The following RIPOR3 variants were observed in gnomAD, a reference collection of about 807,000 sequenced individuals.
RIPOR3 encodes the protein family with sequence similarity 65 member C.
A neutral mutation model predicts 114.3 loss-of-function variants in RIPOR3; 95 were observed. The observed-to-expected ratio is 0.83, with a 90% CI of 0.70 to 0.99. The LOEUF (loss-of-function observed/expected upper bound fraction) is 0.99. Ranked by LOEUF, RIPOR3 falls within the 50% of genes least tolerant of loss-of-function variation. The pLI is 0.00. For missense variants in RIPOR3, 1,252 were observed against 1,266.9 expected (o/e 0.99, Z 0.18); for synonymous variants, 575 against 543.8 (o/e 1.06, Z -0.80).
In RIPOR3 at chr20:50,589,879, T is replaced by C. The variant is rs543815868; in HGVS notation, c.2578-110A>G. On this transcript the variant is annotated intron_variant, in intron 19 of 21. Transcript: ENST00000327979. ...CAGTAAGGCACGCTGTGCCCATCTTTCTCTAAACAACGTTCAGGACACGAT... is the reference window on the plus strand; with the variant it reads ...CAGTAAGGCACGCTGTGCCCATCTTCCTCTAAACAACGTTCAGGACACGAT... The C allele has an allele frequency of 1.0e-5, 9 of 886,222 alleles. No individual in the cohort carries two copies. The South Asian group carries it at 1.3e-4, about 13-fold the overall frequency. 54.9% of individuals were successfully genotyped at this position (886,222 alleles called of 1,614,324 possible).
rs538288587 is a variant in RIPOR3 at position 50,619,814 on chromosome 20, C to A, written c.269+172G>T. On this transcript the variant is annotated intron_variant, in intron 3 of 21. Transcript: ENST00000327979. ...TGCCAGGTTTCCAGTGCCCAAGGACCGGGCTGAGCACGCGGCTGCACCCTG... is the reference window on the plus strand; with the variant it reads ...TGCCAGGTTTCCAGTGCCCAAGGACAGGGCTGAGCACGCGGCTGCACCCTG... Among the ~76,000 whole-genome samples the A allele has an allele frequency of 9.0e-4, 137 of 152,300 alleles. 1 individual carries two copies. The South Asian group carries it at 0.011, about 12-fold the overall frequency.
chr20:50,642,011 C>G (rs915382307), intron 1 of RIPOR3, among the ~76,000 whole-genome samples: 34 of 152,178 alleles, frequency 2.2e-4, no homozygotes, highest in Non-Finnish European at 3.7e-4. Context: ...ACACCCACCC[C>G]CTTCTGCTTC....
intron 1 of RIPOR3, among the ~76,000 whole-genome samples, chr20:50,640,996 G>A (rs1464647839): frequency 2.7e-5 from 4 of 147,790 alleles, no homozygotes; most frequent in African/African-American, 1.0e-4. Flanking sequence ...CGCAACATCT[G>A]CCTCCTGGGT....
intron 4 of RIPOR3, among the ~76,000 whole-genome samples, chr20:50,614,363 C>T (rs942735240): frequency 1.2e-4 from 19 of 152,174 alleles, no homozygotes; most frequent in African/African-American, 4.6e-4. Context: ...TAGAAAAACT[C>T]ATCTCCCCTC....
At chr20:50,621,182 T>C (rs1448768176) in intron 2 of RIPOR3, 2 of 339,374 alleles carry the variant, frequency 5.9e-6, no homozygotes, top group Non-Finnish European at 1.1e-5. Flanking sequence ...CAGGAAGAAA[T>C]ACAGTCAAGT....
intron 11 of RIPOR3, among the ~76,000 whole-genome samples, chr20:50,605,759 A>G (rs1461788089): frequency 1.3e-5 from 2 of 151,512 alleles, no homozygotes; most frequent in Non-Finnish European, 2.9e-5. Flanking sequence ...GTCTGGGGCA[A>G]CAGAGCAAGA....
At chr20:50,597,857 G>T (rs1045899312) in intron 13 of RIPOR3, 147 bp from the exon 14 acceptor site, 1 of 1,263,224 alleles carries the variant, frequency 7.9e-7, no homozygotes, top group Non-Finnish European at 1.1e-6. Flanking sequence ...AAGCCCAGCC[G>T]CTGGCCCAAG....
At chr20:50,647,968 C>A (rs180881581) in intron 1 of RIPOR3, among the ~76,000 whole-genome samples, 64 of 152,096 alleles carry the variant, frequency 4.2e-4, no homozygotes, top group African/African-American at 1.5e-3. Context: ...CCACTTTGTG[C>A]TGCTAAGGTT....
intron 1 of RIPOR3, among the ~76,000 whole-genome samples, chr20:50,664,807 A>G (rs1273037811): frequency 6.6e-6 from 1 of 152,102 alleles, no homozygotes; most frequent in Non-Finnish European, 1.5e-5. Flanking sequence ...GTGGGGGAAG[A>G]AAAAAGAAAC....
At chr20:50,686,886 C>T (rs1452881951) in intron 1 of RIPOR3, among the ~76,000 whole-genome samples, 1 of 152,184 alleles carries the variant, frequency 6.6e-6, no homozygotes, top group Non-Finnish European at 1.5e-5. Flanking sequence ...TGTCCTTGGC[C>T]TGGACTATAA....
At chr20:50,680,247 C>G (rs571576952) in intron 1 of RIPOR3, among the ~76,000 whole-genome samples, 2 of 152,220 alleles carry the variant, frequency 1.3e-5, no homozygotes, top group Non-Finnish European at 2.9e-5. Context: ...CAGTCAATTA[C>G]GGCCAGCGGG....
Position 50,615,524 on chromosome 20 carries a change from CAA to C in RIPOR3, c.348+476_348+477del, listed in dbSNP as rs11474316. Among the ~76,000 whole-genome samples the C allele has an allele frequency of 1.4e-3, 79 of 58,354 alleles. No individual in the cohort carries two copies. The East Asian group carries it at 0.016, about 12-fold the overall frequency. The allele number at this position is 58,354 out of a possible 152,430, so 38.3% of individuals were successfully genotyped here. ...TGGACAACAAAGGGAAATCCTGTCT[CAA>C]AAAAAAAAAAAAAAAAAAAAGACAC... On this transcript the variant is annotated intron_variant, in intron 4 of 21. Transcript: ENST00000327979.
At chr20:50,641,066 C>A (rs555153311) in intron 1 of RIPOR3, among the ~76,000 whole-genome samples, 1 of 151,892 alleles carries the variant, frequency 6.6e-6, no homozygotes, top group Non-Finnish European at 1.5e-5. Context: ...TGCACCACCA[C>A]GCCTGGGTAA....
chr20:50,597,777 A>G, intron 13 of RIPOR3, 67 bp from the exon 14 acceptor site: 9 of 1,569,656 alleles, frequency 5.7e-6, no homozygotes, highest in Non-Finnish European at 7.8e-6. Context: ...GACACTGGCC[A>G]GGGGCCTCAC....
At chr20:50,643,706 CTTTTTTTTT>C (rs71190582) in intron 1 of RIPOR3, among the ~76,000 whole-genome samples, 1 of 134,930 alleles carries the variant, frequency 7.4e-6, no homozygotes, top group African/African-American at 2.8e-5. Flanking sequence ...TTCTTTCTTT[CTTTTTTTTT>C]TTTTTTTTGA....
chr20:50,636,827 C>A lies in RIPOR3; in HGVS notation c.4-5971G>T, dbSNP rs560007974. 3 of 985,368 alleles carry A rather than the reference C, an allele frequency of 3.0e-6. No homozygotes were observed. The East Asian group carries it at 3.4e-4, about 112-fold the overall frequency. 61.0% of individuals were successfully genotyped at this position (985,368 alleles called of 1,614,324 possible). On this transcript the variant is annotated intron_variant, in intron 1 of 21. Coordinates refer to ENST00000327979, the MANE Select transcript of RIPOR3 (RefSeq NM_001290268.2). The stretch of plus-strand genomic sequence containing the variant: ...AAGCTGCCCTGCGTCTCCTCCCCAC[C>A]GCCAGCCAGAGGGAACCTGCAATTT...
intron 1 of RIPOR3, among the ~76,000 whole-genome samples, chr20:50,640,231 A>C (rs1470987268): frequency 6.6e-6 from 1 of 152,012 alleles, no homozygotes; most frequent in Non-Finnish European, 1.5e-5. Context: ...ACACACACAC[A>C]TGCTGTCACC....
intron 1 of RIPOR3, among the ~76,000 whole-genome samples, chr20:50,678,634 G>C (rs1439659085): frequency 6.6e-6 from 1 of 152,128 alleles, no homozygotes; most frequent in East Asian, 1.9e-4. Flanking sequence ...CATCATCAGG[G>C]GACTGGACTA....
At chr20:50,628,230 T>C (rs980957577) in intron 2 of RIPOR3, among the ~76,000 whole-genome samples, 7 of 152,222 alleles carry the variant, frequency 4.6e-5, no homozygotes, top group Non-Finnish European at 7.3e-5. Context: ...TCTCTGAGGC[T>C]TGGAGTTGGG....
Sources: gnomAD v4.1 joint callset for allele counts (sites outside exome capture counted in the v4.1 genomes callset) on GRCh38, gnomAD v4.1.1 for gene constraint, MANE v1.5 for transcripts, NCBI Gene and HGNC (gene_info 2026-07-23, HGNC 2026-07-21) for gene names.